Variants in PHACTR4 observed in about 807,000 individuals in gnomAD.
PHACTR4 encodes the protein phosphatase and actin regulator 4.
Under a neutral mutation model 72.7 loss-of-function variants are expected in PHACTR4, and 51 were observed. That is an observed-to-expected ratio of 0.70 (90% CI 0.56 to 0.89). PHACTR4 has a LOEUF of 0.89. PHACTR4 is among the 40% of genes least tolerant of loss of function. PHACTR4 has a pLI of 0.00. For missense variants in PHACTR4, 731 were observed against 861.8 expected, an observed-to-expected ratio of 0.85 and a Z score of 1.90; for synonymous variants, 255 against 302.5, an observed-to-expected ratio of 0.84 and a Z score of 1.63.
intron 9 of PHACTR4, among the ~76,000 whole-genome samples, chr1:28,487,743 T>G (rs1261195918): frequency 1.5e-5 from 2 of 136,420 alleles, no homozygotes; most frequent in South Asian, 2.4e-4. Context: ...TTTTTTTTTT[T>G]TTTTTTTTTT....
intron 9 of PHACTR4, among the ~76,000 whole-genome samples, chr1:28,481,796 A>C (rs181189200): frequency 1.1e-4 from 16 of 148,746 alleles, no homozygotes; most frequent in Admixed American, 5.3e-4. Flanking sequence ...TCTAAAAAAA[A>C]AAAAAAGAAA....
chr1:28,418,411 G>A (rs903212303), intron 2 of PHACTR4, among the ~76,000 whole-genome samples: 1 of 151,816 alleles, frequency 6.6e-6, no homozygotes, highest in Non-Finnish European at 1.5e-5. Flanking sequence ...AACCTGGGAG[G>A]CAGAGGTTGC....
At chr1:28,455,550 C>G (rs1017091730) in intron 2 of PHACTR4, among the ~76,000 whole-genome samples, 1 of 152,086 alleles carries the variant, frequency 6.6e-6, no homozygotes, top group Non-Finnish European at 1.5e-5. Flanking sequence ...AAATGTCTGC[C>G]TCTGTCTCTT....
In PHACTR4 at chr1:28,498,913, C is replaced by A. The variant is rs1392621897; in HGVS notation, c.*2364C>A. 1.3e-5 allele frequency: 2 copies of A among 151,544 alleles called. No individual in the cohort carries two copies. Among genetic ancestry groups the A allele is most frequent in the Non-Finnish European group, 2.9e-5 (2 of 67,904 alleles). The allele number at this position is 151,544 out of a possible 1,614,324, so 9.4% of individuals were successfully genotyped here. A position where few individuals can be genotyped will look rare whatever the true frequency, so the allele number is the denominator to read the frequency against. On this transcript the variant is annotated 3_prime_UTR_variant, in exon 14 of 14. Transcript: ENST00000373839. ...TGAAACCCTGTCTCTACTAAAAATA[C>A]AAAAATTAGCCTGGCGTGGTGGCAC...
At chr1:28,453,658 A>G in intron 2 of PHACTR4, 1 of 1,304,790 alleles carries the variant, frequency 7.7e-7, no homozygotes, top group Non-Finnish European at 1.1e-6. Flanking sequence ...TAACATCCAA[A>G]AATCAGATTG....
At chr1:28,454,875 G>A (rs1299594042) in intron 2 of PHACTR4, among the ~76,000 whole-genome samples, 1 of 152,066 alleles carries the variant, frequency 6.6e-6, no homozygotes, top group East Asian at 1.9e-4. Flanking sequence ...ATCCTACCAC[G>A]TTGGGAGACT....
At chr1:28,385,763 G>A (rs544720380) in intron 1 of PHACTR4, among the ~76,000 whole-genome samples, 12 of 151,342 alleles carry the variant, frequency 7.9e-5, no homozygotes, top group African/African-American at 2.9e-4. Context: ...TTACAGGTGT[G>A]TGCCACCACG....
rs1570088429 is a variant in PHACTR4 at position 28,480,369 on chromosome 1, G to T, written c.1607-82G>T. On this transcript the variant is annotated intron_variant, in intron 8 of 13. Transcript: ENST00000373839. The stretch of plus-strand genomic sequence containing the variant: ...GGGAATTAAATATTGTATTTGTTCA[G>T]ACTCTTGACTAGCTCCAGGTAAGGT... 5.4e-6 allele frequency: 8 copies of T among 1,491,392 alleles called. No individual in the cohort carries two copies. In the East Asian group the frequency reaches 1.8e-4, roughly 34 times the overall value. 92.4% of individuals were successfully genotyped at this position (1,491,392 alleles called of 1,614,324 possible).
At chr1:28,461,256 A>G (rs1374794805) in intron 4 of PHACTR4, among the ~76,000 whole-genome samples, 1 of 151,986 alleles carries the variant, frequency 6.6e-6, no homozygotes, top group Non-Finnish European at 1.5e-5. Flanking sequence ...CCTGGCCAAA[A>G]TGGTGAAACC....
chr1:28,491,223 G>A (rs1420260861), intron 11 of PHACTR4, among the ~76,000 whole-genome samples: 4 of 147,078 alleles, frequency 2.7e-5, no homozygotes, highest in Admixed American at 6.8e-5. Flanking sequence ...AAAAAAAAAA[G>A]AAGAAGAAAG....
chr1:28,376,883 T>G (rs1651719032), intron 1 of PHACTR4, among the ~76,000 whole-genome samples: 1 of 150,544 alleles, frequency 6.6e-6, no homozygotes, highest in East Asian at 2.0e-4. Context: ...GTGATCCACC[T>G]GTCTCGGCCT....
chr1:28,417,070 C>T (rs766557367), intron 2 of PHACTR4, among the ~76,000 whole-genome samples: 5 of 151,106 alleles, frequency 3.3e-5, no homozygotes, highest in Non-Finnish European at 7.4e-5. Context: ...TTCCCCCCTT[C>T]CTTCCCCCTG....
chr1:28,401,000 G>GT (rs1293047834), intron 1 of PHACTR4, among the ~76,000 whole-genome samples: 2 of 152,148 alleles, frequency 1.3e-5, no homozygotes, highest in Non-Finnish European at 1.5e-5. Context: ...TGGAGTTCTG[G>GT]TTTTTTCATC....
At chr1:28,444,194 A>G (rs1183607466) in intron 2 of PHACTR4, among the ~76,000 whole-genome samples, 4 of 115,474 alleles carry the variant, frequency 3.5e-5, no homozygotes, top group African/African-American at 1.3e-4. Flanking sequence ...TATGTTGAGC[A>G]TTTAAAAAAA....
rs184801161 is a variant in PHACTR4, at chr1:28,370,908, A to G, written c.-39+1083A>G. Among the ~76,000 whole-genome samples the G allele has an allele frequency of 7.5e-4, 114 of 152,224 alleles. 1 individual carries two copies. The highest frequency in any genetic ancestry group is 4.3e-3 in the South Asian group (21 of 4,832). ...AGTTCGCGACCAGCCTGGGCAACAC[A>G]GCAAGACCCCATCTTAAAAAAAAAA... is the stretch of plus-strand genomic sequence containing the variant. On this transcript the variant is annotated intron_variant, in intron 1 of 13. Coordinates refer to ENST00000373839, the MANE Select transcript of PHACTR4 (RefSeq NM_001048183.3).
At chr1:28,389,622 C>T (rs750379902) in intron 1 of PHACTR4, among the ~76,000 whole-genome samples, 1 of 151,970 alleles carries the variant, frequency 6.6e-6, no homozygotes, top group East Asian at 1.9e-4. Flanking sequence ...GGACGACGGG[C>T]GCGTGCCACC....
At chr1:28,491,126 T>A in intron 11 of PHACTR4, 114 bp downstream of exon 11, 1 of 1,037,286 alleles carries the variant, frequency 9.6e-7, no homozygotes, top group Non-Finnish European at 1.4e-6. Context: ...CCCAGCACTT[T>A]GGAAGGCCAT....
chr1:28,380,513 C>G (rs1333028902), intron 1 of PHACTR4, among the ~76,000 whole-genome samples: 1 of 152,168 alleles, frequency 6.6e-6, no homozygotes, highest in African/African-American at 2.4e-5. Context: ...CTCCCATCCT[C>G]TACTCTCCAA....
intron 2 of PHACTR4, among the ~76,000 whole-genome samples, chr1:28,450,645 G>T (rs991019857): frequency 9.2e-5 from 14 of 151,834 alleles, no homozygotes; most frequent in African/African-American, 3.4e-4. Flanking sequence ...TTTGAGGCAG[G>T]TTCTCCCTCT....
Sources: gnomAD v4.1 joint callset for allele counts (sites outside exome capture counted in the v4.1 genomes callset) on GRCh38, gnomAD v4.1.1 for gene constraint, MANE v1.5 for transcripts, NCBI Gene and HGNC (gene_info 2026-07-23, HGNC 2026-07-21) for gene names.